MIA3: variants seen among roughly 807,000 people sequenced by gnomAD.
The protein encoded by MIA3 is transport and Golgi organization protein 1 homolog.
In MIA3, 90 loss-of-function variants were observed where a neutral mutation model predicts 192.4. The ratio of observed to expected loss-of-function variants is 0.47; its 90% CI spans 0.39 to 0.56. The LOEUF (loss-of-function observed/expected upper bound fraction) is 0.56. MIA3 is among the 20% of genes least tolerant of loss of function. The pLI is 0.00. For missense variants in MIA3, 2,123 were observed against 2,269.4 expected, an observed-to-expected ratio of 0.94 and a Z score of 1.31; for synonymous variants, 740 against 792.8, an observed-to-expected ratio of 0.93 and a Z score of 1.12.
rs374709745 is a variant in MIA3 at position 222,629,915 on chromosome 1, C to T, written c.2695C>T (p.Pro899Ser). 3.7e-6 allele frequency: 6 copies of T among 1,614,058 alleles called. No individual in the cohort carries two copies. In the South Asian group the frequency reaches 4.4e-5, roughly 12 times the overall value. ...AAGCCAGGGGTCTGCTGCTGCAGAACCTGAAGATGACTCGTTCCACTGGAC... is the reference window on the plus strand; with the variant it reads ...AAGCCAGGGGTCTGCTGCTGCAGAATCTGAAGATGACTCGTTCCACTGGAC... The part of the protein sequence containing the change: ...TESQGSAAAE[P>S]EDDSFHWTPH... The change falls in exon 4 of 28, where the codon CCT becomes TCT. Residue 899 changes from proline (P) to serine (S), a missense_variant. Pro to Ser is a moderately conservative substitution (Grantham distance 74, BLOSUM62 -1). Transcript: ENST00000344922.
Position 222,665,382 on chromosome 1 carries a change from T to G in MIA3, c.5487T>G (p.Pro1829=), listed in dbSNP as rs1370450636. The G allele has an allele frequency of 6.2e-7, 1 of 1,613,826 alleles. No individual in the cohort carries two copies. The highest frequency in any genetic ancestry group is 2.2e-5 in the East Asian group (1 of 44,886). ...TTCCACCAGGAAGACGGGACCTGCC[T>G]CTCCACCCTCGGGGATTTTTACCTG... is the stretch of plus-strand genomic sequence containing the variant. The part of the protein sequence containing the change: ...PGVPPGRRDL[P]LHPRGFLPGH... Residue 1829 remains proline, a synonymous_variant, in exon 28 of 28, where the codon CCT becomes CCG. Transcript: ENST00000344922.
intron 4 of MIA3, among the ~76,000 whole-genome samples, chr1:222,631,752 G>A (rs980817142): frequency 9.9e-5 from 15 of 152,160 alleles, no homozygotes; most frequent in African/African-American, 3.4e-4. Flanking sequence ...CTGCCTTGGC[G>A]TGGAATGTCC....
chr1:222,627,981 T>G lies in MIA3; in HGVS notation c.761T>G (p.Val254Gly). 1 of 1,614,086 alleles carries G rather than the reference T, an allele frequency of 6.2e-7. No homozygotes were observed. Among genetic ancestry groups the G allele is most frequent in the South Asian group, 1.1e-5 (1 of 91,068 alleles). Residue 254 changes from valine (V) to glycine (G), a missense_variant, in exon 4 of 28, where the codon GTC becomes GGC. Val to Gly is a moderately radical substitution (Grantham distance 109). Coordinates refer to ENST00000344922, the MANE Select transcript of MIA3 (RefSeq NM_198551.4). ...AACAAAACCAGCAATAGTTCTCAGG[T>G]CTCAAATGAACAGGATAAGATTGAT... is the stretch of plus-strand genomic sequence containing the variant. ...ENNKTSNSSQ[V>G]SNEQDKIDAY...
chr1:222,646,836 G>A (rs1663171809), intron 7 of MIA3, among the ~76,000 whole-genome samples: 1 of 152,158 alleles, frequency 6.6e-6, no homozygotes, highest in Non-Finnish European at 1.5e-5. Context: ...TGGGAAAATT[G>A]TTAAATTATT....
chr1:222,633,216 A>G lies in MIA3; in HGVS notation c.3444A>G (p.Leu1148=), dbSNP rs755873070. The change falls in exon 6 of 28, where the codon CTA becomes CTG. Residue 1148 remains leucine (L), a synonymous_variant. Transcript: ENST00000344922. The part of the protein sequence containing the change: ...SVTPLENAIL[L]IYSFMFYLTK... The stretch of plus-strand genomic sequence containing the variant: ...CACCTTTGGAAAACGCAATCCTTCT[A>G]ATATATTCATTCATGTTTTATTTAA... The G allele has an allele frequency of 2.5e-6, 4 of 1,611,352 alleles. No homozygotes were observed. In the African/African-American group the frequency reaches 4.0e-5, roughly 16 times the overall value.
intron 2 of MIA3, among the ~76,000 whole-genome samples, chr1:222,624,063 T>C (rs1416914601): frequency 6.6e-6 from 1 of 152,228 alleles, no homozygotes; most frequent in Non-Finnish European, 1.5e-5. Context: ...TTTCAATAAA[T>C]ATATTGTAAA....
At chr1:222,652,161 G>C (rs1048610066) in intron 12 of MIA3, 67 bp from the exon 13 acceptor site, 1 of 1,435,532 alleles carries the variant, frequency 7.0e-7, no homozygotes, top group Non-Finnish European at 9.7e-7. Flanking sequence ...CATGATGTTG[G>C]GTTGGAAAAG....
Position 222,638,708 on chromosome 1 carries a change from A to G in MIA3, c.3477+5459A>G, listed in dbSNP as rs186650455. Among the ~76,000 whole-genome samples the G allele has an allele frequency of 1.4e-3, 210 of 152,324 alleles. 2 individuals are homozygous for G. Among genetic ancestry groups the G allele is most frequent in the African/African-American group, 5.0e-3 (206 of 41,560 alleles). ...TGAGACCTTGTCTCAAGAAAAGAAA[A>G]AAAAATAAAGACAAGAAAATGAAAA... On this transcript the variant is annotated intron_variant, in intron 6 of 27. Coordinates refer to ENST00000344922, the MANE Select transcript of MIA3 (RefSeq NM_198551.4).
intron 13 of MIA3, 95 bp from the exon 14 acceptor site, chr1:222,652,913 G>A: frequency 1.4e-6 from 2 of 1,400,130 alleles, no homozygotes; most frequent in Non-Finnish European, 1.9e-6. Context: ...CCAAGGAGAG[G>A]CATGGTTCCT....
rs146351158 is a variant in MIA3 at position 222,659,811 on chromosome 1, T to C, written c.4874+10T>C. ...CCAATTTGAGACACAAGTATGTGGATTTTGATGGCTATATTTTCAGCGCGT... is the reference window on the plus strand; with the variant it reads ...CCAATTTGAGACACAAGTATGTGGACTTTGATGGCTATATTTTCAGCGCGT... On this transcript the variant is annotated intron_variant, in intron 22 of 27. Coordinates refer to ENST00000344922, the MANE Select transcript of MIA3 (RefSeq NM_198551.4). The C allele has an allele frequency of 1.2e-4, 192 of 1,613,716 alleles. No individual in the cohort carries two copies. The African/African-American group carries it at 2.2e-3, about 19-fold the overall frequency.
chr1:222,648,916 A>T, intron 8 of MIA3, 66 bp downstream of exon 8: 1 of 1,032,084 alleles, frequency 9.7e-7, no homozygotes, highest in East Asian at 2.6e-5. Flanking sequence ...TATGGATTTT[A>T]TATATAAGTA....
chr1:222,639,873 G>C (rs1027966537), intron 6 of MIA3, among the ~76,000 whole-genome samples: 1 of 152,078 alleles, frequency 6.6e-6, no homozygotes, highest in Non-Finnish European at 1.5e-5. Flanking sequence ...TAAGGCAATA[G>C]CCAGTGCACT....
At position 222,622,128 on chromosome 1, in the gene MIA3, C is replaced by T. The variant is rs564204229; in HGVS notation, c.267+836C>T. 3.3e-5 allele frequency among the ~76,000 whole-genome samples: 5 copies of T among 152,214 alleles called. No homozygotes were observed. The East Asian group carries it at 9.6e-4, about 29-fold the overall frequency. Reference sequence around the variant, plus strand: ...CTCTTGTTTGTATTTTTGTTTGCAGCCTTGGGGTCATCCTTGTCCTGCTTT... The same window carrying T: ...CTCTTGTTTGTATTTTTGTTTGCAGTCTTGGGGTCATCCTTGTCCTGCTTT... On this transcript the variant is annotated intron_variant, in intron 2 of 27. Coordinates refer to ENST00000344922, the MANE Select transcript of MIA3 (RefSeq NM_198551.4).
At chr1:222,646,366 G>GT (rs1289149500) in intron 7 of MIA3, among the ~76,000 whole-genome samples, 1 of 149,502 alleles carries the variant, frequency 6.7e-6, no homozygotes, top group Non-Finnish European at 1.5e-5. Flanking sequence ...AGTGAGCTGA[G>GT]ATGTGCCACT....
chr1:222,644,146 G>T (rs1370347208), intron 6 of MIA3, among the ~76,000 whole-genome samples: 1 of 152,206 alleles, frequency 6.6e-6, no homozygotes, highest in Non-Finnish European at 1.5e-5. Flanking sequence ...TGGCGAAAGC[G>T]CCAGTCACTT....
chr1:222,622,612 C>G (rs912394685), intron 2 of MIA3, among the ~76,000 whole-genome samples: 4 of 152,206 alleles, frequency 2.6e-5, no homozygotes, highest in African/African-American at 9.7e-5. Context: ...GTGACTTGCT[C>G]CATACCAAAA....
intron 8 of MIA3, 104 bp downstream of exon 8, chr1:222,648,954 A>G: frequency 1.3e-6 from 1 of 745,088 alleles, no homozygotes. Flanking sequence ...TGTCTGACTG[A>G]CTTATAGCTT....
chr1:222,632,769 C>T (rs1372655587), intron 5 of MIA3, among the ~76,000 whole-genome samples: 1 of 152,184 alleles, frequency 6.6e-6, no homozygotes, highest in East Asian at 1.9e-4. Flanking sequence ...CTTTACCCCT[C>T]TCTTTCCAAA....
chr1:222,663,579 C>T (rs371815656), intron 26 of MIA3, among the ~76,000 whole-genome samples: 126 of 152,276 alleles, frequency 8.3e-4, no homozygotes, highest in Admixed American at 1.8e-3. Flanking sequence ...TCTGAATAAT[C>T]GCTGTTACAT....
Sources: allele counts gnomAD v4.1 joint callset (sites outside exome capture counted in the v4.1 genomes callset), GRCh38; gene constraint gnomAD v4.1.1; transcripts MANE v1.5; gene names NCBI Gene and HGNC (gene_info 2026-07-23, HGNC 2026-07-21).